Variants in UBFD1 observed in about 807,000 individuals in gnomAD.
The protein encoded by UBFD1 is ubiquitin domain-containing protein UBFD1.
UBFD1 carries 12 observed loss-of-function variants against 35.1 expected under a neutral mutation model. That is an observed-to-expected ratio of 0.34 (90% CI 0.22 to 0.55). The LOEUF (loss-of-function observed/expected upper bound fraction) is 0.55, where lower values mean the gene tolerates loss of function less well. Among genes scored for constraint, UBFD1 ranks in the 20% least tolerant of loss-of-function variants. UBFD1 has a pLI of 0.89. For synonymous variants in UBFD1, 178 were observed against 167.6 expected, an observed-to-expected ratio of 1.06 and a Z score of -0.48; for missense variants, 337 against 410.8, an observed-to-expected ratio of 0.82 and a Z score of 1.55.
intron 6 of UBFD1, among the ~76,000 whole-genome samples, chr16:23,570,121 C>T (rs9932522): frequency 0.082 from 12,458 of 152,084 alleles, 901 homozygotes; most frequent in African/African-American, 0.19. Context: ...AACTGTGGTC[C>T]CTGGATCAGT....
intron 3 of UBFD1, 184 bp from the exon 4 acceptor site, chr16:23,562,022 T>G: frequency 1.7e-6 from 1 of 578,086 alleles, no homozygotes; most frequent in Non-Finnish European, 3.0e-6. Context: ...TACGAACATA[T>G]TCGCCCTCCC....
In UBFD1 at chr16:23,558,082, G is replaced by A. The variant is rs750365384; in HGVS notation, c.158G>A (p.Ser53Asn). ...GAGGACTCCGGCGCCGCACGAGGCA[G>A]CCTGCAGCCGGCCCCGGCCCAGCCC... ...AAEDSGAARG[S>N]LQPAPAQPPG... Residue 53 changes from serine to asparagine, a missense_variant, in exon 2 of 7, where the codon AGC becomes AAC. Transcript: ENST00000395878. 5 of 1,482,902 alleles carry A rather than the reference G, an allele frequency of 3.4e-6. No individual in the cohort carries two copies. Among genetic ancestry groups the A allele is most frequent in the Non-Finnish European group, 3.6e-6 (4 of 1,121,456 alleles). 91.9% of individuals were successfully genotyped at this position (1,482,902 alleles called of 1,614,324 possible). A position where few individuals can be genotyped will look rare whatever the true frequency, so the allele number is the denominator to read the frequency against.
chr16:23,558,785 T>TC (rs1965874547), intron 2 of UBFD1, among the ~76,000 whole-genome samples: 2 of 91,638 alleles, frequency 2.2e-5, no homozygotes, highest in African/African-American at 5.4e-5. Flanking sequence ...TTTTTCCTAT[T>TC]TTTTTTTTTT....
chr16:23,563,659 T>G (rs1255944122), intron 5 of UBFD1, among the ~76,000 whole-genome samples: 3 of 152,222 alleles, frequency 2.0e-5, no homozygotes, highest in African/African-American at 7.2e-5. Flanking sequence ...TTTGGCTGTT[T>G]AAGGACACAT....
intron 2 of UBFD1, 196 bp from the exon 3 acceptor site, chr16:23,559,272 A>C: frequency 1.8e-6 from 1 of 541,820 alleles, no homozygotes; most frequent in Non-Finnish European, 3.3e-6. Flanking sequence ...AGGTCTGTAC[A>C]GAAGGACTTA....
chr16:23,561,409 G>C (rs999378825), intron 3 of UBFD1, among the ~76,000 whole-genome samples: 21 of 152,196 alleles, frequency 1.4e-4, no homozygotes, highest in African/African-American at 4.6e-4. Context: ...GCCACAGATG[G>C]AGAAGAAAGA....
rs375139253 is a variant in UBFD1, at chr16:23,558,011, G to T, written c.87G>T (p.Arg29=). The part of the protein sequence containing the change: ...AETVATEAPA[R]PVNCLEAEAA... ...CTGTGGCTACTGAGGCTCCCGCGCGGCCCGTCAACTGCCTGGAGGCTGAAG... is the reference window on the plus strand; with the variant it reads ...CTGTGGCTACTGAGGCTCCCGCGCGTCCCGTCAACTGCCTGGAGGCTGAAG... Residue 29 remains arginine, a synonymous_variant, in exon 2 of 7, where the codon CGG becomes CGT. Coordinates refer to ENST00000395878, the MANE Select transcript of UBFD1 (RefSeq NM_019116.3). 1.5e-3 allele frequency: 1,995 copies of T among 1,361,950 alleles called. 4 individuals are homozygous for T. The highest frequency in any genetic ancestry group is 1.6e-3 in the Non-Finnish European group (1,684 of 1,061,246). The allele number at this position is 1,361,950 out of a possible 1,614,324, so 84.4% of individuals were successfully genotyped here. A position where few individuals can be genotyped will look rare whatever the true frequency, so the allele number is the denominator to read the frequency against.
At chr16:23,564,665 G>A (rs983644832) in intron 5 of UBFD1, 5 of 152,152 alleles carry the variant, frequency 3.3e-5, no homozygotes, top group African/African-American at 7.2e-5. Flanking sequence ...CAGTTGCTAC[G>A]GCTGACCTGG....
chr16:23,564,175 AT>A (rs1161422818), intron 5 of UBFD1: 1 of 152,216 alleles, frequency 6.6e-6, no homozygotes, highest in East Asian at 1.9e-4. Flanking sequence ...GGGACAGACC[AT>A]TTAGTGAGAC....
chr16:23,566,823 C>T, intron 5 of UBFD1, 164 bp from the exon 6 acceptor site: 1 of 634,626 alleles, frequency 1.6e-6, no homozygotes, highest in Admixed American at 3.0e-5. Context: ...GCCCTATGTG[C>T]ACTGGTCAGA....
At chr16:23,567,832 A>G (rs1376145279) in intron 6 of UBFD1, among the ~76,000 whole-genome samples, 1 of 152,292 alleles carries the variant, frequency 6.6e-6, no homozygotes, top group Non-Finnish European at 1.5e-5. Flanking sequence ...CCAAGGAGGC[A>G]GGCCTTTCAG....
At chr16:23,563,614 C>G (rs988483912) in intron 5 of UBFD1, among the ~76,000 whole-genome samples, 1 of 152,200 alleles carries the variant, frequency 6.6e-6, no homozygotes, top group Non-Finnish European at 1.5e-5. Context: ...ATCTTACCTA[C>G]TGCTTTTTAT....
Position 23,562,623 on chromosome 16 carries a change from A to T in UBFD1, c.631-2A>T. On this transcript the variant is annotated splice_acceptor_variant, in intron 4 of 6. Transcript: ENST00000395878. LOFTEE classifies it high-confidence loss of function. Reference sequence around the variant, plus strand: ...TCTCTTACCATTCTCTCGTGCCTTCAGGAGCGCCTGCCAACGGTACCGCTG... The same window carrying T: ...TCTCTTACCATTCTCTCGTGCCTTCTGGAGCGCCTGCCAACGGTACCGCTG... 6.2e-7 allele frequency: 1 copy of T among 1,613,780 alleles called. No individual in the cohort carries two copies. Among genetic ancestry groups the T allele is most frequent in the Non-Finnish European group, 8.5e-7 (1 of 1,179,868 alleles).
chr16:23,568,475 A>G (rs1158559461), intron 6 of UBFD1, among the ~76,000 whole-genome samples: 1 of 151,026 alleles, frequency 6.6e-6, no homozygotes, highest in African/African-American at 2.4e-5. Flanking sequence ...TGTAGTCTTT[A>G]TTACAAGGAT....
At chr16:23,567,761 C>G (rs544131757) in intron 6 of UBFD1, among the ~76,000 whole-genome samples, 42 of 152,348 alleles carry the variant, frequency 2.8e-4, no homozygotes, top group African/African-American at 9.6e-4. Context: ...CTGCAGTTGC[C>G]CATCAGGGGC....
At chr16:23,567,986 G>C (rs1966033447) in intron 6 of UBFD1, among the ~76,000 whole-genome samples, 2 of 152,230 alleles carry the variant, frequency 1.3e-5, no homozygotes, top group Non-Finnish European at 2.9e-5. Flanking sequence ...AATCAAAGGG[G>C]CTTAAAATAT....
rs1348086343 is a variant in UBFD1, at chr16:23,558,099, G to A, written c.175G>A (p.Ala59Thr). Residue 59 changes from alanine to threonine, a missense_variant, in exon 2 of 7, where the codon GCC becomes ACC. By Grantham distance (58) the Ala-to-Thr change is moderately conservative. This residue lies in a region of UBFD1 where 198 missense variants were observed against 168.4 expected (regional missense o/e 1.18). Transcript: ENST00000395878. Reference protein sequence around the residue: ...AARGSLQPAPAQPPGDPAAQA... With the variant: ...AARGSLQPAPTQPPGDPAAQA... ...ACGAGGCAGCCTGCAGCCGGCCCCGGCCCAGCCCCCTGGGGACCCCGCAGC... is the reference window on the plus strand; with the variant it reads ...ACGAGGCAGCCTGCAGCCGGCCCCGACCCAGCCCCCTGGGGACCCCGCAGC... The A allele has an allele frequency of 2.6e-6, 4 of 1,550,120 alleles. No homozygotes were observed. Among genetic ancestry groups the A allele is most frequent in the Non-Finnish European group, 2.6e-6 (3 of 1,152,878 alleles).
At chr16:23,567,760 C>T (rs1045890136) in intron 6 of UBFD1, among the ~76,000 whole-genome samples, 1 of 152,234 alleles carries the variant, frequency 6.6e-6, no homozygotes, top group African/African-American at 2.4e-5. Context: ...TCTGCAGTTG[C>T]CCATCAGGGG....
rs373873678 is a variant in UBFD1 at position 23,567,730 on chromosome 16, A to G, written c.819+661A>G. ...TTTCCCAGTGCTCTTTGGAGGAGCC[A>G]CATTGACCACGAAGTTGATTCTGCA... On this transcript the variant is annotated intron_variant, in intron 6 of 6. Coordinates refer to ENST00000395878, the MANE Select transcript of UBFD1 (RefSeq NM_019116.3). Among the ~76,000 whole-genome samples, 26 of 152,392 alleles carry G rather than the reference A, an allele frequency of 1.7e-4. 1 individual carries two copies. Among genetic ancestry groups the G allele is most frequent in the African/African-American group, 6.2e-4 (26 of 41,602 alleles).
Sources: gnomAD v4.1 joint callset for allele counts (sites outside exome capture counted in the v4.1 genomes callset) on GRCh38, gnomAD v4.1.1 for gene constraint, gnomAD v4.1.1 regional missense constraint, MANE v1.5 for transcripts, NCBI Gene and HGNC (gene_info 2026-07-23, HGNC 2026-07-21) for gene names.